NECAP2: variants seen among roughly 807,000 people sequenced by gnomAD.
NECAP2 encodes the protein adaptin ear-binding coat-associated protein 2.
A neutral mutation model predicts 37.8 loss-of-function variants in NECAP2; 38 were observed. The observed-to-expected ratio is 1.01, with a 90% confidence interval of 0.78 to 1.32. NECAP2 has a LOEUF of 1.32. NECAP2 is among the 40% of genes most tolerant of loss of function. The pLI, the probability that NECAP2 is intolerant of heterozygous loss-of-function variation, is 0.00. For missense variants in NECAP2, 316 were observed against 334.5 expected (o/e 0.94, Z 0.43); for synonymous variants, 121 against 127.7 (o/e 0.95, Z 0.35).
chr1:16,454,514 C>G (rs745776902), intron 6 of NECAP2, among the ~76,000 whole-genome samples: 29 of 152,048 alleles, frequency 1.9e-4, no homozygotes, highest in Non-Finnish European at 3.8e-4. Context: ...CACCACCATA[C>G]CTGGCTAATT....
At chr1:16,447,644 A>T (rs2086783027) in intron 2 of NECAP2, among the ~76,000 whole-genome samples, 2 of 152,202 alleles carry the variant, frequency 1.3e-5, no homozygotes. Context: ...CCAAACTGTG[A>T]GCTAAATTTG....
intron 7 of NECAP2, 28 bp from the exon 8 acceptor site, chr1:16,458,811 TCCC>T: frequency 6.2e-7 from 1 of 1,610,184 alleles, no homozygotes; most frequent in Non-Finnish European, 8.5e-7. Context: ...AGATCTGAAC[TCCC>T]CCACCCTTCC....
rs2086719746 is a variant in NECAP2 at position 16,443,620 on chromosome 1, T to G, written c.93-12T>G. ...GCCTCTGGCAGAGATTCAGTGGTGT[T>G]TGTCCCCTTAGGGCTGCGGAGTGGC... On this transcript the variant is annotated splice_polypyrimidine_tract_variant and intron_variant, in intron 1 of 7. Coordinates refer to ENST00000337132, the MANE Select transcript of NECAP2 (RefSeq NM_018090.5). 6 of 1,602,430 alleles carry G rather than the reference T, an allele frequency of 3.7e-6. No individual in the cohort carries two copies. Among genetic ancestry groups the G allele is most frequent in the Middle Eastern group, 1.7e-4 (1 of 6,044 alleles).
At chr1:16,442,808 G>C (rs1345917390) in intron 1 of NECAP2, among the ~76,000 whole-genome samples, 1 of 152,086 alleles carries the variant, frequency 6.6e-6, no homozygotes, top group Non-Finnish European at 1.5e-5. Flanking sequence ...TGTAGTCCCA[G>C]CTACTCAGGA....
chr1:16,444,972 C>A lies in NECAP2; in HGVS notation c.193+1240C>A, dbSNP rs2086738920. On this transcript the variant is annotated intron_variant, in intron 2 of 7. Coordinates refer to ENST00000337132, the MANE Select transcript of NECAP2 (RefSeq NM_018090.5). ...GGGTAGCTGGGATTACAGGCGCCCCCCCACCACGCCCAGCTAATTTTTTTT... is the reference window on the plus strand; with the variant it reads ...GGGTAGCTGGGATTACAGGCGCCCCACCACCACGCCCAGCTAATTTTTTTT... 2.6e-5 allele frequency among the ~76,000 whole-genome samples: 4 copies of A among 152,128 alleles called. No individual in the cohort carries two copies. The South Asian group carries it at 6.2e-4, about 24-fold the overall frequency.
rs554702934 is a variant in NECAP2 at position 16,454,548 on chromosome 1, G to A, written c.668-1270G>A. Among the ~76,000 whole-genome samples, 158 of 151,918 alleles carry A rather than the reference G, an allele frequency of 1.0e-3. 2 individuals are homozygous for A. Among genetic ancestry groups the A allele is most frequent in the African/African-American group, 3.7e-3 (153 of 41,418 alleles). ...TTTTTGTAATTTTAGTAGAGACAGA[G>A]GTTTCACCACGTTGGCCAGGCTGGT... On this transcript the variant is annotated intron_variant, in intron 6 of 7. Transcript: ENST00000337132.
chr1:16,457,340 C>G (rs2086935827), intron 7 of NECAP2, among the ~76,000 whole-genome samples: 1 of 152,058 alleles, frequency 6.6e-6, no homozygotes, highest in African/African-American at 2.4e-5. Context: ...GCCTGTAATC[C>G]CAGCTACTTG....
intron 4 of NECAP2, 46 bp downstream of exon 4, chr1:16,448,187 C>A (rs758273170): frequency 6.5e-7 from 1 of 1,548,910 alleles, no homozygotes; most frequent in South Asian, 1.1e-5. Context: ...CCCTTCTTTC[C>A]CTGGACAGAA....
rs749536649 is a variant in NECAP2, at chr1:16,451,921, C to T, written c.573C>T (p.Pro191=). 6.2e-7 allele frequency: 1 copy of T among 1,613,938 alleles called. No homozygotes were observed. Among genetic ancestry groups the T allele is most frequent in the Non-Finnish European group, 8.5e-7 (1 of 1,179,836 alleles). The change falls in exon 6 of 8, where the codon CCC becomes CCT. Residue 191 remains proline (P), a synonymous_variant. Coordinates refer to ENST00000337132, the MANE Select transcript of NECAP2 (RefSeq NM_018090.5). ...GAGGGCTGAGCCTGCTTCCCCCTCC[C>T]CCAGGGGGGAAAACCTCCACCCTGA... The part of the protein sequence containing the change: ...STGGLSLLPP[P]PGGKTSTLIP...
At chr1:16,455,594 C>T (rs2086905196) in intron 6 of NECAP2, 5 of 532,778 alleles carry the variant, frequency 9.4e-6, no homozygotes, top group Non-Finnish European at 1.7e-5. Flanking sequence ...TGGCTTTCTG[C>T]GTTTTCTCCA....
chr1:16,451,073 C>T (rs543547299), intron 5 of NECAP2: 2 of 152,308 alleles, frequency 1.3e-5, no homozygotes, highest in South Asian at 2.1e-4. Context: ...CCTGAGTAAC[C>T]CCATCCTGAC....
intron 2 of NECAP2, among the ~76,000 whole-genome samples, chr1:16,447,640 T>C (rs369879024): frequency 1.2e-4 from 19 of 152,340 alleles, no homozygotes; most frequent in African/African-American, 3.6e-4. Flanking sequence ...AATACCAAAC[T>C]GTGAGCTAAA....
Position 16,448,260 on chromosome 1 carries a change from G to A in NECAP2, c.380+119G>A, listed in dbSNP as rs2086791616. 5 of 963,408 alleles carry A rather than the reference G, an allele frequency of 5.2e-6. No homozygotes were observed. The Admixed American group carries it at 5.2e-5, about 10-fold the overall frequency. 59.7% of individuals were successfully genotyped at this position (963,408 alleles called of 1,614,324 possible). A position where few individuals can be genotyped will look rare whatever the true frequency, so the allele number is the denominator to read the frequency against. On this transcript the variant is annotated intron_variant, in intron 4 of 7. Coordinates refer to ENST00000337132, the MANE Select transcript of NECAP2 (RefSeq NM_018090.5). Reference sequence around the variant, plus strand: ...GATTTGTCTGGCAGCAGAGACTCAGGAGAACCCAGGACAAGCCACCTCTCT... The same window carrying A: ...GATTTGTCTGGCAGCAGAGACTCAGAAGAACCCAGGACAAGCCACCTCTCT...
intron 4 of NECAP2, 21 bp downstream of exon 4, chr1:16,448,162 C>G (rs1345918303): frequency 1.9e-6 from 3 of 1,594,708 alleles, no homozygotes; most frequent in Non-Finnish European, 1.7e-6. Context: ...CTGGGAGACA[C>G]ACGCTCATGC....
intron 2 of NECAP2, among the ~76,000 whole-genome samples, chr1:16,447,067 A>C (rs1390201548): frequency 6.6e-6 from 1 of 151,750 alleles, no homozygotes; most frequent in East Asian, 1.9e-4. Flanking sequence ...CTCAGGAAAA[A>C]AAAAAAAAAA....
intron 6 of NECAP2, among the ~76,000 whole-genome samples, chr1:16,453,404 C>T (rs1249706088): frequency 2.6e-5 from 4 of 151,312 alleles, no homozygotes; most frequent in Admixed American, 1.3e-4. Context: ...CTACTGCACC[C>T]GGCCCTTATG....
At chr1:16,452,773 C>G (rs553056839) in intron 6 of NECAP2, among the ~76,000 whole-genome samples, 11 of 152,120 alleles carry the variant, frequency 7.2e-5, no homozygotes, top group African/African-American at 2.4e-4. Flanking sequence ...GCGCGCCCCC[C>G]CCGCCCGCCG....
chr1:16,453,093 A>G (rs1427649376), intron 6 of NECAP2, among the ~76,000 whole-genome samples: 1 of 150,102 alleles, frequency 6.7e-6, no homozygotes, highest in Non-Finnish European at 1.5e-5. Flanking sequence ...GGGGGCAAGA[A>G]TCTGCATTCT....
At position 16,447,817 on chromosome 1, in the gene NECAP2, C is replaced by G. The variant is rs923705468; in HGVS notation, c.194-53C>G. ...AAGGCCCAGTAGTGTGGTAGAAAAC[C>G]TTGGCTGGAAGGGGGCTCAGGGCTC... On this transcript the variant is annotated intron_variant, in intron 2 of 7. Transcript: ENST00000337132. The G allele has an allele frequency of 1.1e-5, 17 of 1,498,550 alleles. 1 individual carries two copies. In the African/African-American group the frequency reaches 2.2e-4, roughly 19 times the overall value. The allele number at this position is 1,498,550 out of a possible 1,614,324, so 92.8% of individuals were successfully genotyped here.
Sources: gnomAD v4.1 joint callset for allele counts (sites outside exome capture counted in the v4.1 genomes callset) on GRCh38, gnomAD v4.1.1 for gene constraint, MANE v1.5 for transcripts, NCBI Gene and HGNC (gene_info 2026-07-23, HGNC 2026-07-21) for gene names.